The following TENM3 variants were observed in gnomAD, a reference collection of about 807,000 sequenced individuals.
TENM3 encodes the protein teneurin transmembrane protein 3.
In TENM3, 63 loss-of-function variants were observed where a neutral mutation model predicts 255.1. The observed-to-expected ratio is 0.25, with a 90% CI of 0.20 to 0.30. TENM3 has a LOEUF of 0.30. Among genes scored for constraint, TENM3 ranks in the 10% least tolerant of loss-of-function variants. The pLI, the probability that TENM3 is intolerant of heterozygous loss-of-function variation, is 1.00. For missense variants in TENM3, 2,929 were observed against 3,461.1 expected (o/e 0.85, Z 3.86); for synonymous variants, 1,306 against 1,322.3 (o/e 0.99, Z 0.27).
chr4:182,545,981 A>G (rs1741406980), intron 3 of TENM3, among the ~76,000 whole-genome samples: 1 of 152,206 alleles, frequency 6.6e-6, no homozygotes, highest in South Asian at 2.1e-4. Flanking sequence ...ATTAACACAT[A>G]TTTGGCATGT....
chr4:182,749,678 A>C (rs1371312479), intron 19 of TENM3, among the ~76,000 whole-genome samples: 1 of 152,214 alleles, frequency 6.6e-6, no homozygotes, highest in Non-Finnish European at 1.5e-5. Context: ...CCCAGATCAT[A>C]CATTTAGTGT....
the TENM3 span, among the ~76,000 whole-genome samples, chr4:182,127,394 C>T: frequency 2.6e-5 from 4 of 152,096 alleles, no homozygotes; most frequent in African/African-American, 9.7e-5. Flanking sequence ...TTAACATACA[C>T]ATTAATATTT....
At chr4:182,114,865 A>G in the TENM3 span, among the ~76,000 whole-genome samples, 2 of 152,224 alleles carry the variant, frequency 1.3e-5, no homozygotes, top group East Asian at 3.9e-4. Flanking sequence ...TTTATTTTTT[A>G]AAATAGGGAA....
chr4:182,511,394 CT>C, intron 3 of TENM3, among the ~76,000 whole-genome samples: 1 of 152,180 alleles, frequency 6.6e-6, no homozygotes, highest in Non-Finnish European at 1.5e-5. Context: ...AAGAACTTAG[CT>C]TTTATGGAAT....
the TENM3 span, among the ~76,000 whole-genome samples, chr4:181,930,565 C>A: frequency 6.6e-6 from 1 of 152,282 alleles, no homozygotes; most frequent in Non-Finnish European, 1.5e-5. Flanking sequence ...CAGATGGATT[C>A]ACAGCCGAAT....
chr4:182,189,702 T>C (rs1374567594), intron 1 of TENM3, among the ~76,000 whole-genome samples: 2 of 152,118 alleles, frequency 1.3e-5, no homozygotes, highest in Non-Finnish European at 2.9e-5. Flanking sequence ...TGAAGAAGCA[T>C]AATTAGTCAT....
the TENM3 span, among the ~76,000 whole-genome samples, chr4:181,633,558 T>C: frequency 6.6e-6 from 1 of 151,962 alleles, no homozygotes; most frequent in Middle Eastern, 3.4e-3. Context: ...GAGCCTTAAA[T>C]GAGAATTATC....
chr4:182,562,593 G>A (rs1449244253), intron 3 of TENM3, among the ~76,000 whole-genome samples: 1 of 152,028 alleles, frequency 6.6e-6, no homozygotes, highest in Non-Finnish European at 1.5e-5. Flanking sequence ...GTTGGGGTTG[G>A]AGCAGGCTGC....
At chr4:182,324,597 TCACAGA>T (rs1432889282) in intron 2 of TENM3, among the ~76,000 whole-genome samples, 1 of 152,182 alleles carries the variant, frequency 6.6e-6, no homozygotes, top group African/African-American at 2.4e-5. Context: ...ATGAAGGTGC[TCACAGA>T]CATTGTGTCT....
intron 3 of TENM3, among the ~76,000 whole-genome samples, chr4:182,471,607 A>G (rs1324015323): frequency 6.7e-6 from 1 of 150,178 alleles, no homozygotes; most frequent in Non-Finnish European, 1.5e-5. Flanking sequence ...CATCATTGAA[A>G]TGTTATGTGG....
At chr4:181,601,192 T>C in the TENM3 span, among the ~76,000 whole-genome samples, 20 of 152,272 alleles carry the variant, frequency 1.3e-4, no homozygotes, top group East Asian at 2.9e-3. Flanking sequence ...CAGGAATTTA[T>C]CTTCTCCCAG....
At chr4:181,855,984 AAAG>A in the TENM3 span, among the ~76,000 whole-genome samples, 1 of 140,552 alleles carries the variant, frequency 7.1e-6, no homozygotes, top group Non-Finnish European at 1.5e-5. Context: ...AAGAGGGAGG[AAAG>A]AAGGAGGGAA....
At chr4:182,482,567 G>GA (rs1464563571) in intron 3 of TENM3, among the ~76,000 whole-genome samples, 5 of 152,102 alleles carry the variant, frequency 3.3e-5, no homozygotes, top group Non-Finnish European at 2.9e-5. Context: ...TAGAATACAA[G>GA]AAAAATTGAA....
chr4:181,738,312 A>G, the TENM3 span, among the ~76,000 whole-genome samples: 2 of 152,242 alleles, frequency 1.3e-5, no homozygotes, highest in Admixed American at 1.3e-4. Flanking sequence ...AAAATGAAAT[A>G]TAACACCAAT....
At chr4:181,502,764 G>A in the TENM3 span, among the ~76,000 whole-genome samples, 219 of 152,252 alleles carry the variant, frequency 1.4e-3, 1 homozygote, top group Non-Finnish European at 2.7e-3. Flanking sequence ...GGAGCAGTTA[G>A]CATTTGCCTA....
At chr4:182,786,322 G>A (rs12507191) in intron 24 of TENM3, among the ~76,000 whole-genome samples, 18,496 of 152,050 alleles carry the variant, frequency 0.12, 1,239 homozygotes, top group Admixed American at 0.17. Flanking sequence ...TTTGGGAAGC[G>A]GAGGCGGGTG....
At chr4:181,776,649 G>T in the TENM3 span, among the ~76,000 whole-genome samples, 1 of 152,016 alleles carries the variant, frequency 6.6e-6, no homozygotes, top group Non-Finnish European at 1.5e-5. Flanking sequence ...TTGTGGTTTT[G>T]ATTTGCATTT....
intron 1 of TENM3, among the ~76,000 whole-genome samples, chr4:182,278,756 G>C (rs945668683): frequency 6.6e-6 from 1 of 152,174 alleles, no homozygotes; most frequent in Non-Finnish European, 1.5e-5. Context: ...GCATACAGTG[G>C]AGCTGGCCTG....
At chr4:181,885,992 G>C in the TENM3 span, among the ~76,000 whole-genome samples, 5 of 150,998 alleles carry the variant, frequency 3.3e-5, no homozygotes, top group East Asian at 9.7e-4. Flanking sequence ...CAACCTGCTG[G>C]AAAAAGATCT....
Sources: allele counts gnomAD v4.1 joint callset (sites outside exome capture counted in the v4.1 genomes callset), GRCh38; gene constraint gnomAD v4.1.1; transcripts MANE v1.5; gene names NCBI Gene and HGNC (gene_info 2026-07-23, HGNC 2026-07-21).